The following ARL15 variants were observed in gnomAD, a reference collection of about 807,000 sequenced individuals.
ARL15 encodes ADP-ribosylation factor-like protein 15.
In ARL15, 19 loss-of-function variants were observed where a neutral mutation model predicts 25.2. That is an observed-to-expected ratio of 0.75 (90% CI 0.53 to 1.10). ARL15 has a LOEUF of 1.10. Among genes scored for constraint, ARL15 ranks in the 50% least tolerant of loss-of-function variants. The pLI is 0.00. For synonymous variants in ARL15, 94 were observed against 86.8 expected (o/e 1.08, Z -0.46); for missense variants, 220 against 246.0 (o/e 0.89, Z 0.71).
intron 1 of ARL15, chr5:54,285,363 G>A: frequency 1.1e-6 from 1 of 883,404 alleles, no homozygotes; most frequent in African/African-American, 1.8e-5. Context: ...TTTTCCCTAA[G>A]AAATTTCAAA....
At chr5:54,293,428 T>C (rs1758386277) in intron 1 of ARL15, among the ~76,000 whole-genome samples, 1 of 152,214 alleles carries the variant, frequency 6.6e-6, no homozygotes, top group Non-Finnish European at 1.5e-5. Flanking sequence ...ACTTGTTTAA[T>C]AGTTCTGCAT....
At chr5:54,054,094 A>G (rs1750783117) in intron 4 of ARL15, among the ~76,000 whole-genome samples, 1 of 152,162 alleles carries the variant, frequency 6.6e-6, no homozygotes, top group South Asian at 2.1e-4. Flanking sequence ...TGTACCACCC[A>G]ATCAGAAACT....
chr5:54,070,689 A>G (rs1245022344), intron 4 of ARL15, among the ~76,000 whole-genome samples: 1 of 151,048 alleles, frequency 6.6e-6, no homozygotes, highest in East Asian at 2.0e-4. Context: ...AAAAATACAA[A>G]AAAATATTGG....
At chr5:54,297,845 C>CA (rs1434969167) in intron 1 of ARL15, among the ~76,000 whole-genome samples, 2 of 152,076 alleles carry the variant, frequency 1.3e-5, no homozygotes, top group African/African-American at 4.8e-5. Flanking sequence ...TGCAGTGGCA[C>CA]AATCTCAGCT....
intron 1 of ARL15, among the ~76,000 whole-genome samples, chr5:54,217,354 C>T (rs1371011982): frequency 6.6e-6 from 1 of 152,024 alleles, no homozygotes; most frequent in Non-Finnish European, 1.5e-5. Flanking sequence ...ATGATGATCA[C>T]AGATCGTTAG....
At chr5:53,960,710 T>G (rs1006409195) in intron 4 of ARL15, among the ~76,000 whole-genome samples, 1 of 152,190 alleles carries the variant, frequency 6.6e-6, no homozygotes, top group Non-Finnish European at 1.5e-5. Context: ...TTCACCTCTT[T>G]GTGGAGGTGA....
chr5:54,029,306 TACC>T (rs1168500786), intron 4 of ARL15, among the ~76,000 whole-genome samples: 147 of 120,032 alleles, frequency 1.2e-3, no homozygotes, highest in African/African-American at 2.5e-3. Flanking sequence ...TAAAAACAGT[TACC>T]ACCACCACCA....
At chr5:53,923,367 A>G (rs10040674) in intron 4 of ARL15, among the ~76,000 whole-genome samples, 18,201 of 152,124 alleles carry the variant, frequency 0.12, 1,457 homozygotes, top group African/African-American at 0.23. Flanking sequence ...TTGCTTCAGA[A>G]GGGCAGGCTG....
At chr5:54,270,208 G>T (rs997439115) in intron 1 of ARL15, among the ~76,000 whole-genome samples, 1 of 152,150 alleles carries the variant, frequency 6.6e-6, no homozygotes, top group Admixed American at 6.5e-5. Flanking sequence ...GCAAAGAACT[G>T]AAAATGGTTT....
chr5:53,998,682 G>A (rs1179742050), intron 4 of ARL15, among the ~76,000 whole-genome samples: 1 of 152,184 alleles, frequency 6.6e-6, no homozygotes, highest in Non-Finnish European at 1.5e-5. Flanking sequence ...AGGTGGGAGA[G>A]AAGCCGTTCA....
At chr5:54,080,000 C>CAA (rs1561215910) in intron 4 of ARL15, among the ~76,000 whole-genome samples, 1 of 128,354 alleles carries the variant, frequency 7.8e-6, no homozygotes, top group Admixed American at 7.5e-5. Context: ...CACACACACA[C>CAA]ACACACACAC....
At chr5:53,931,200 A>G (rs1472873412) in intron 4 of ARL15, among the ~76,000 whole-genome samples, 1 of 152,156 alleles carries the variant, frequency 6.6e-6, no homozygotes, top group Non-Finnish European at 1.5e-5. Context: ...CGCAGGGAAA[A>G]AAATCTCAAT....
intron 1 of ARL15, among the ~76,000 whole-genome samples, chr5:54,184,937 T>C (rs969411988): frequency 6.6e-6 from 1 of 152,144 alleles, no homozygotes; most frequent in East Asian, 1.9e-4. Context: ...CAGAATACCA[T>C]GTTTTTCCCG....
At chr5:54,148,009 C>A (rs1468166413) in intron 3 of ARL15, among the ~76,000 whole-genome samples, 1 of 152,060 alleles carries the variant, frequency 6.6e-6, no homozygotes, top group East Asian at 1.9e-4. Flanking sequence ...GCATAATATA[C>A]ATGGAACTGT....
chr5:53,986,504 C>T (rs1041681876), intron 4 of ARL15, among the ~76,000 whole-genome samples: 4 of 152,188 alleles, frequency 2.6e-5, no homozygotes, highest in Non-Finnish European at 4.4e-5. Context: ...CTCCAGACAT[C>T]GGATTACACT....
intron 4 of ARL15, among the ~76,000 whole-genome samples, chr5:53,919,039 G>C (rs1355785226): frequency 6.6e-6 from 1 of 152,140 alleles, no homozygotes; most frequent in African/African-American, 2.4e-5. Context: ...ATAAACACCA[G>C]GTGTGAGTGA....
At chr5:54,294,178 T>C (rs1449334412) in intron 1 of ARL15, among the ~76,000 whole-genome samples, 3 of 152,144 alleles carry the variant, frequency 2.0e-5, no homozygotes, top group African/African-American at 4.8e-5. Flanking sequence ...TTTGAGGAGG[T>C]AGGTAAATCC....
At chr5:53,923,391 C>T (rs1249752084) in intron 4 of ARL15, among the ~76,000 whole-genome samples, 2 of 152,146 alleles carry the variant, frequency 1.3e-5, no homozygotes, top group East Asian at 3.9e-4. Context: ...CCTGTCCCCA[C>T]CCCACTGCCT....
intron 1 of ARL15, among the ~76,000 whole-genome samples, chr5:54,278,833 C>T (rs1757982955): frequency 6.6e-6 from 1 of 152,154 alleles, no homozygotes; most frequent in African/African-American, 2.4e-5. Context: ...GGACGGCATG[C>T]ACTGGATACC....
Sources: allele counts gnomAD v4.1 joint callset (sites outside exome capture counted in the v4.1 genomes callset), GRCh38; gene constraint gnomAD v4.1.1; transcripts MANE v1.5; gene names NCBI Gene and HGNC (gene_info 2026-07-23, HGNC 2026-07-21).